The following DBF4B variants were observed in gnomAD, a reference collection of about 807,000 sequenced individuals.
DBF4B encodes the protein DBF4B-CDC7 kinase regulatory subunit, also known as protein DBF4 homolog B.
DBF4B carries 49 observed loss-of-function variants against 53.4 expected under a neutral mutation model. The observed-to-expected ratio is 0.92, with a 90% CI of 0.73 to 1.16. The LOEUF is 1.16. DBF4B is among the 50% of genes most tolerant of loss of function. DBF4B has a pLI of 0.00. For synonymous variants in DBF4B, 257 were observed against 288.7 expected, an observed-to-expected ratio of 0.89 and a Z score of 1.11; for missense variants, 692 against 775.0, an observed-to-expected ratio of 0.89 and a Z score of 1.27.
rs1311337909 is a variant in DBF4B at position 44,751,130 on chromosome 17, C to A, written c.1725C>A (p.Thr575=). ...TTCCCCGAACCTCACATCCGTGTAC[C>A]CTTGCCTTCCCCTCCTATCTCAATG... ...GPIPRTSHPC[T]LAFPSYLNDH... The change falls in exon 14 of 14, where the codon ACC becomes ACA. Residue 575 remains threonine, a synonymous_variant. Coordinates refer to ENST00000315005, the MANE Select transcript of DBF4B (RefSeq NM_145663.3). 6.2e-7 allele frequency: 1 copy of A among 1,614,138 alleles called. No individual in the cohort carries two copies. The highest frequency in any genetic ancestry group is 2.2e-5 in the East Asian group (1 of 44,868).
In DBF4B at chr17:44,715,665, G is replaced by T. The variant is rs1204438432; in HGVS notation, c.82+6299G>T. Reference sequence around the variant, plus strand: ...GTTTCTTTTCTTACAGTGTCTTGTTGTGCTTAATGGATATAATGTATTCCC... The same window carrying T: ...GTTTCTTTTCTTACAGTGTCTTGTTTTGCTTAATGGATATAATGTATTCCC... On this transcript the variant is annotated intron_variant, in intron 2 of 13. Coordinates refer to ENST00000315005, the MANE Select transcript of DBF4B (RefSeq NM_145663.3). Among the ~76,000 whole-genome samples, 3 of 151,440 alleles carry T rather than the reference G, an allele frequency of 2.0e-5. No individual in the cohort carries two copies. The Admixed American group carries it at 2.0e-4, about 10-fold the overall frequency.
rs201114063 is a variant in DBF4B, at chr17:44,750,153, C to T, written c.1190-442C>T. ...CAACTTCCACATCACCCTCCTCCCT[C>T]GCTCCCTCCTCTCCTTCCCCAAGGA... On this transcript the variant is annotated intron_variant, in intron 13 of 13. Transcript: ENST00000315005. 4,853 of 996,728 alleles carry T rather than the reference C, an allele frequency of 4.9e-3. 14 individuals are homozygous for T. Among genetic ancestry groups the T allele is most frequent in the Non-Finnish European group, 5.5e-3 (4,589 of 837,278 alleles). The allele number at this position is 996,728 out of a possible 1,614,324, so 61.7% of individuals were successfully genotyped here.
chr17:44,727,122 AC>A (rs1214691278), intron 3 of DBF4B, among the ~76,000 whole-genome samples: 13 of 106,440 alleles, frequency 1.2e-4, no homozygotes, highest in Admixed American at 3.1e-4. Context: ...AAAAAAAAAA[AC>A]CATATATATA....
At chr17:44,746,218 C>T (rs1456488855) in intron 10 of DBF4B, among the ~76,000 whole-genome samples, 1 of 124,960 alleles carries the variant, frequency 8.0e-6, no homozygotes, top group African/African-American at 3.2e-5. Flanking sequence ...GGTGACAGAG[C>T]GATACTCCAT....
At chr17:44,745,820 T>C (rs1976531001) in intron 10 of DBF4B, among the ~76,000 whole-genome samples, 1 of 152,200 alleles carries the variant, frequency 6.6e-6, no homozygotes, top group Non-Finnish European at 1.5e-5. Flanking sequence ...TTAGGAAGTC[T>C]TTAAAAGGAG....
chr17:44,719,961 C>T, intron 2 of DBF4B: 1 of 200,564 alleles, frequency 5.0e-6, no homozygotes. Flanking sequence ...GCTTCCACAC[C>T]TTCTTAAAGT....
intron 7 of DBF4B, among the ~76,000 whole-genome samples, chr17:44,734,678 C>T (rs562148139): frequency 6.6e-6 from 1 of 152,260 alleles, no homozygotes; most frequent in Admixed American, 6.5e-5. Flanking sequence ...AGTATCTTCA[C>T]CCAAGCCTCA....
rs1320189364 is a variant in DBF4B at position 44,749,003 on chromosome 17, C to T, written c.1189+538C>T. Reference sequence around the variant, plus strand: ...CTGGGGAAAGGGTGGCCCCCAGGGCCTGAGGATTCTGAGTGTACAGCCACT... The same window carrying T: ...CTGGGGAAAGGGTGGCCCCCAGGGCTTGAGGATTCTGAGTGTACAGCCACT... On this transcript the variant is annotated intron_variant, in intron 13 of 13. Coordinates refer to ENST00000315005, the MANE Select transcript of DBF4B (RefSeq NM_145663.3). The surrounding 1 kb of genome is among the most constrained non-coding windows in gnomAD (Gnocchi z 4.4). The T allele has an allele frequency of 7.8e-7, 1 of 1,289,860 alleles. No individual in the cohort carries two copies. Among genetic ancestry groups the T allele is most frequent in the Non-Finnish European group, 1.0e-6 (1 of 988,862 alleles). The allele number at this position is 1,289,860 out of a possible 1,614,324, so 79.9% of individuals were successfully genotyped here. A position where few individuals can be genotyped will look rare whatever the true frequency, so the allele number is the denominator to read the frequency against.
At chr17:44,712,125 G>GT (rs1972939233) in intron 2 of DBF4B, among the ~76,000 whole-genome samples, 1 of 150,148 alleles carries the variant, frequency 6.7e-6, no homozygotes, top group Admixed American at 6.6e-5. Context: ...AAAAGCCAAA[G>GT]TTTCTCACAA....
Position 44,751,624 on chromosome 17 carries a change from C to T in DBF4B, c.*371C>T. 7.3e-7 allele frequency: 1 copy of T among 1,366,972 alleles called. No individual in the cohort carries two copies. Among genetic ancestry groups the T allele is most frequent in the Non-Finnish European group, 9.4e-7 (1 of 1,059,564 alleles). 84.7% of individuals were successfully genotyped at this position (1,366,972 alleles called of 1,614,324 possible). ...CTCCTGGAAAACACTTGAGTTGATTCAGTAAATCGACTTCAAATACTTGAA... is the reference window on the plus strand; with the variant it reads ...CTCCTGGAAAACACTTGAGTTGATTTAGTAAATCGACTTCAAATACTTGAA... On this transcript the variant is annotated 3_prime_UTR_variant, in exon 14 of 14. Transcript: ENST00000315005.
intron 5 of DBF4B, 40 bp from the exon 6 acceptor site, chr17:44,732,138 G>T: frequency 6.2e-7 from 1 of 1,605,290 alleles, no homozygotes. Context: ...CAGGCCTTGG[G>T]GAGTCTCTGC....
rs767758209 is a variant in DBF4B, at chr17:44,734,130, A to T, written c.597A>T (p.Leu199Phe). 4.3e-6 allele frequency: 7 copies of T among 1,614,194 alleles called. No individual in the cohort carries two copies. The South Asian group carries it at 5.5e-5, about 13-fold the overall frequency. ...MHVQQLSLAS[L>F]CVKKQQPKKP... ...TGCAACAGCTGTCTCTTGCGTCTTT[A>T]TGTGTGAAAAAACAACAGCCAAAGA... The change falls in exon 7 of 14, where the codon TTA becomes TTT. Residue 199 changes from leucine to phenylalanine, a missense_variant. Leu to Phe is a conservative substitution (Grantham distance 22). Around this residue, in one of 3 missense-constraint regions of DBF4B, gnomAD observed 597 missense variants for 665.8 expected, o/e 0.90. Coordinates refer to ENST00000315005, the MANE Select transcript of DBF4B (RefSeq NM_145663.3).
In DBF4B at chr17:44,747,435, T is replaced by C. The variant is rs1347316571; in HGVS notation, c.984T>C (p.His328=). The C allele has an allele frequency of 6.2e-7, 1 of 1,613,876 alleles. No homozygotes were observed. Among genetic ancestry groups the C allele is most frequent in the Non-Finnish European group, 8.5e-7 (1 of 1,179,986 alleles). Residue 328 remains histidine, a synonymous_variant, in exon 12 of 14, where the codon CAT becomes CAC. Transcript: ENST00000315005. ...ACCGGAGCTTTGCCCTGGAAGCCCA[T>C]CTATATGCAGAAGTGGACAGGATCA... ...AQHRSFALEA[H]LYAEVDRIIA...
intron 13 of DBF4B, chr17:44,750,031 A>AGG: frequency 8.0e-6 from 8 of 1,000,630 alleles, no homozygotes; most frequent in Non-Finnish European, 9.5e-6. Context: ...GGATGTGGCC[A>AGG]GAGCCCCCTC....
intron 2 of DBF4B, among the ~76,000 whole-genome samples, chr17:44,716,474 T>C (rs1973346439): frequency 6.6e-6 from 1 of 152,172 alleles, no homozygotes; most frequent in Admixed American, 6.6e-5. Flanking sequence ...CTTTCACCTG[T>C]GCCCAATGTT....
intron 8 of DBF4B, among the ~76,000 whole-genome samples, chr17:44,737,276 C>T (rs1975541657): frequency 1.3e-5 from 2 of 152,136 alleles, no homozygotes; most frequent in South Asian, 2.1e-4. Context: ...TGATGGACTC[C>T]GTCTCCTGGT....
At chr17:44,719,763 G>T (rs1427068892) in intron 2 of DBF4B, 2 of 206,074 alleles carry the variant, frequency 9.7e-6, no homozygotes, top group South Asian at 1.1e-4. Context: ...AAGAAATTCA[G>T]AACACCAATT....
In DBF4B at chr17:44,749,801, T is replaced by C; in HGVS notation, c.1190-794T>C. ...TGCAGAGCCGCGGGTTAGCTGTTGG[T>C]GTGCTCCACCCCCAACCCCGGCCTC... On this transcript the variant is annotated intron_variant, in intron 13 of 13. Coordinates refer to ENST00000315005, the MANE Select transcript of DBF4B (RefSeq NM_145663.3). This position sits in a 1 kb window ranked among gnomAD's most constrained non-coding sequence, Gnocchi z 4.4. 1 of 1,055,260 alleles carries C rather than the reference T, an allele frequency of 9.5e-7. No individual in the cohort carries two copies. Among genetic ancestry groups the C allele is most frequent in the South Asian group, 3.3e-5 (1 of 30,490 alleles). 65.4% of individuals were successfully genotyped at this position (1,055,260 alleles called of 1,614,324 possible). A position where few individuals can be genotyped will look rare whatever the true frequency, so the allele number is the denominator to read the frequency against.
chr17:44,751,816 C>T lies in DBF4B; in HGVS notation c.*563C>T. On this transcript the variant is annotated 3_prime_UTR_variant, in exon 14 of 14. Transcript: ENST00000315005. ...AGGCTACTGGTGACCAAAGTTGGTT[C>T]CTTTTCTCCTTTCTTTCCTCCTTGA... 1 of 1,530,814 alleles carries T rather than the reference C, an allele frequency of 6.5e-7. No individual in the cohort carries two copies. The highest frequency in any genetic ancestry group is 8.7e-7 in the Non-Finnish European group (1 of 1,143,660). The allele number at this position is 1,530,814 out of a possible 1,614,324, so 94.8% of individuals were successfully genotyped here.
Sources: allele counts gnomAD v4.1 joint callset (sites outside exome capture counted in the v4.1 genomes callset), GRCh38; gene constraint gnomAD v4.1.1; regional missense constraint gnomAD v4.1.1; non-coding constraint Gnocchi (gnomAD v3.1); transcripts MANE v1.5; gene names NCBI Gene and HGNC (gene_info 2026-07-23, HGNC 2026-07-21).